Variants in PLAC9 observed in about 807,000 individuals in gnomAD.
The protein encoded by PLAC9 is placenta associated 9.
In PLAC9, 12 loss-of-function variants were observed where a neutral mutation model predicts 11.5. The ratio of observed to expected loss-of-function variants is 1.05; its 90% CI spans 0.67 to 1.69. The LOEUF (loss-of-function observed/expected upper bound fraction) is 1.69. Among genes scored for constraint, PLAC9 ranks in the 40% most tolerant of loss-of-function variants. PLAC9 has a pLI of 0.00. For missense variants in PLAC9, 132 were observed against 130.5 expected (o/e 1.01, Z -0.06); for synonymous variants, 62 against 58.1 (o/e 1.07, Z -0.31).
intron 1 of PLAC9, among the ~76,000 whole-genome samples, chr10:80,138,099 G>A (rs915122870): frequency 6.6e-5 from 10 of 152,086 alleles, no homozygotes; most frequent in African/African-American, 2.2e-4. Flanking sequence ...TGACAACCTC[G>A]TCAGACAGCC....
At chr10:80,136,396 T>C (rs1379410907) in intron 1 of PLAC9, among the ~76,000 whole-genome samples, 3 of 152,228 alleles carry the variant, frequency 2.0e-5, no homozygotes, top group Admixed American at 6.5e-5. Context: ...ATCATAATCC[T>C]TCAGTCTTTT....
At chr10:80,144,491 C>T (rs1845078219) in intron 3 of PLAC9, 148 bp downstream of exon 3, 4 of 1,199,680 alleles carry the variant, frequency 3.3e-6, no homozygotes, top group Non-Finnish European at 4.5e-6. Flanking sequence ...AGCGGGACGG[C>T]ATCATCCCTG....
intron 1 of PLAC9, among the ~76,000 whole-genome samples, chr10:80,135,899 C>A (rs564873024): frequency 2.0e-5 from 3 of 152,150 alleles, no homozygotes; most frequent in African/African-American, 7.2e-5. Flanking sequence ...CCCAAGTGGC[C>A]AGGGTTGCTT....
At chr10:80,133,787 A>T (rs1214182083) in intron 1 of PLAC9, among the ~76,000 whole-genome samples, 5 of 152,140 alleles carry the variant, frequency 3.3e-5, no homozygotes, top group Non-Finnish European at 7.4e-5. Context: ...TATTAAAAAT[A>T]CAAAAAATTA....
intron 1 of PLAC9, among the ~76,000 whole-genome samples, chr10:80,137,506 T>C (rs1381124661): frequency 6.6e-6 from 1 of 152,166 alleles, no homozygotes; most frequent in African/African-American, 2.4e-5. Context: ...CACAGACTCA[T>C]GACAACAGGC....
At position 80,144,941 on chromosome 10, in the gene PLAC9, T is replaced by A; in HGVS notation, c.*31T>A. The A allele has an allele frequency of 6.4e-7, 1 of 1,567,912 alleles. No individual in the cohort carries two copies. ...GGAGCTGGAGCCCAGCAGTTGGAGG[T>A]GGTGCACCTGCCAGGCAGCGCCCAC... On this transcript the variant is annotated 3_prime_UTR_variant, in exon 4 of 4. Transcript: ENST00000372263.
chr10:80,137,280 A>G (rs1844990229), intron 1 of PLAC9, among the ~76,000 whole-genome samples: 3 of 152,172 alleles, frequency 2.0e-5, no homozygotes, highest in African/African-American at 7.2e-5. Flanking sequence ...ACACGTAGAG[A>G]ACAGGGTGGT....
intron 1 of PLAC9, among the ~76,000 whole-genome samples, chr10:80,137,206 G>A (rs1241305276): frequency 2.0e-5 from 3 of 152,214 alleles, no homozygotes; most frequent in Admixed American, 2.0e-4. Context: ...AGCCATGTTG[G>A]GAGCGACCTC....
upstream of PLAC9, among the ~76,000 whole-genome samples, chr10:80,132,273 G>C (rs1207367415): frequency 6.6e-6 from 1 of 152,116 alleles, no homozygotes; most frequent in Non-Finnish European, 1.5e-5. Context: ...TTAATTTCTT[G>C]TTCGTAGGTA....
At chr10:80,133,064 GA>G (rs1213209389) in intron 1 of PLAC9, among the ~76,000 whole-genome samples, 6 of 152,242 alleles carry the variant, frequency 3.9e-5, no homozygotes, top group Non-Finnish European at 7.4e-5. Context: ...CAGTGAAAAG[GA>G]AAAAGGAGAG....
intron 1 of PLAC9, among the ~76,000 whole-genome samples, chr10:80,136,682 T>G (rs1757123007): frequency 6.6e-6 from 1 of 151,170 alleles, no homozygotes; most frequent in African/African-American, 2.4e-5. Context: ...ATTTATTTAT[T>G]TATTTATTTT....
At chr10:80,140,116 T>C (rs1032914815) in intron 1 of PLAC9, among the ~76,000 whole-genome samples, 9 of 152,062 alleles carry the variant, frequency 5.9e-5, no homozygotes, top group African/African-American at 2.2e-4. Flanking sequence ...TCCCACCCCC[T>C]CTGGATCCAG....
chr10:80,140,935 A>C (rs1339588424), intron 1 of PLAC9, among the ~76,000 whole-genome samples: 2 of 152,106 alleles, frequency 1.3e-5, no homozygotes, highest in African/African-American at 4.8e-5. Flanking sequence ...TGGCCTCATG[A>C]GTCCTCTGCT....
At chr10:80,135,935 A>G (rs1322669737) in intron 1 of PLAC9, among the ~76,000 whole-genome samples, 1 of 152,168 alleles carries the variant, frequency 6.6e-6, no homozygotes, top group Non-Finnish European at 1.5e-5. Context: ...GACTTTGACA[A>G]TTCAGAAGAT....
intron 3 of PLAC9, 77 bp downstream of exon 3, chr10:80,144,420 G>A: frequency 6.7e-7 from 1 of 1,485,394 alleles, no homozygotes; most frequent in Non-Finnish European, 8.9e-7. Flanking sequence ...AGGGACGGCT[G>A]CTCCACTGCA....
At chr10:80,144,035 G>C in intron 2 of PLAC9, 188 bp from the exon 3 acceptor site, 5 of 721,988 alleles carry the variant, frequency 6.9e-6, no homozygotes, top group Non-Finnish European at 1.2e-5. Context: ...AGCCCCCTAG[G>C]ATATTGTCAT....
Position 80,134,245 on chromosome 10 carries a change from TTTTC to T in PLAC9, c.64+1439_64+1442del, listed in dbSNP as rs781468383. On this transcript the variant is annotated intron_variant, in intron 1 of 3. Coordinates refer to ENST00000372263, the MANE Select transcript of PLAC9 (RefSeq NM_001012973.3). ...TTAAAGGAAATCCAGGCATTGTATA[TTTTC>T]TTTCTTTCTTTCTTTCTTTTTTTTT... 3.2e-3 allele frequency among the ~76,000 whole-genome samples: 474 copies of T among 150,280 alleles called. 4 individuals carry two copies. The highest frequency in any genetic ancestry group is 0.019 in the East Asian group (98 of 5,148).
chr10:80,137,169 T>C (rs1844988762), intron 1 of PLAC9, among the ~76,000 whole-genome samples: 2 of 152,210 alleles, frequency 1.3e-5, no homozygotes, highest in South Asian at 4.1e-4. Context: ...AAGCACAGTT[T>C]TGTCCAGATG....
rs530172778 is a variant in PLAC9, at chr10:80,137,275, T to C, written c.64+4449T>C. ...CAAGTTAGACCTCATCACAGACACG[T>C]AGAGAACAGGGTGGTTTAGGCCAGT... is the stretch of plus-strand genomic sequence containing the variant. On this transcript the variant is annotated intron_variant, in intron 1 of 3. Transcript: ENST00000372263. Among the ~76,000 whole-genome samples the C allele has an allele frequency of 3.3e-5, 5 of 152,246 alleles. No individual in the cohort carries two copies. The South Asian group carries it at 1.0e-3, about 32-fold the overall frequency.
Sources: gnomAD v4.1 joint callset for allele counts (sites outside exome capture counted in the v4.1 genomes callset) on GRCh38, gnomAD v4.1.1 for gene constraint, MANE v1.5 for transcripts, NCBI Gene and HGNC (gene_info 2026-07-23, HGNC 2026-07-21) for gene names.